VPS50: variants seen among roughly 807,000 people sequenced by gnomAD.
VPS50 encodes VPS50 subunit of EARP/GARPII complex.
Under a neutral mutation model 139.7 loss-of-function variants are expected in VPS50, and 70 were observed. That is an observed-to-expected ratio of 0.50 (90% confidence interval 0.41 to 0.61). VPS50 has a LOEUF of 0.61. Ranked by LOEUF, VPS50 falls within the 20% of genes least tolerant of loss-of-function variation. The pLI is 0.00. For missense variants in VPS50, 921 were observed against 1,133.7 expected (o/e 0.81, Z 2.69); for synonymous variants, 365 against 376.7 (o/e 0.97, Z 0.36).
intron 18 of VPS50, 35 bp downstream of exon 18, chr7:93,306,039 T>G: frequency 6.6e-7 from 1 of 1,516,134 alleles, no homozygotes; most frequent in Non-Finnish European, 9.1e-7. Flanking sequence ...GTGAGTTTTT[T>G]TTATTTAAAA....
chr7:93,264,447 A>G (rs1019370280), intron 9 of VPS50, among the ~76,000 whole-genome samples: 3 of 152,192 alleles, frequency 2.0e-5, no homozygotes, highest in African/African-American at 4.8e-5. Context: ...TTAAAAGTCA[A>G]AACTGCTTTA....
rs1798777489 is a variant in VPS50, at chr7:93,358,821, A to G, written c.*385A>G. The G allele has an allele frequency of 6.2e-6, 1 of 161,658 alleles. No homozygotes were observed. The highest frequency in any genetic ancestry group is 6.0e-5 in the Admixed American group (1 of 16,722). The allele number at this position is 161,658 out of a possible 1,614,324, so 10.0% of individuals were successfully genotyped here. A position where few individuals can be genotyped will look rare whatever the true frequency, so the allele number is the denominator to read the frequency against. On this transcript the variant is annotated 3_prime_UTR_variant, in exon 28 of 28. Coordinates refer to ENST00000305866, the MANE Select transcript of VPS50 (RefSeq NM_017667.4). The stretch of plus-strand genomic sequence containing the variant: ...TTCTACCCTCTGAGCTTGGTTCTTA[A>G]TAAGCATAATGTGAGGGTGAATATG...
intron 23 of VPS50, among the ~76,000 whole-genome samples, chr7:93,344,163 A>T (rs1798314214): frequency 6.6e-6 from 1 of 152,202 alleles, no homozygotes. Context: ...AAACAAAAAA[A>T]GGCAGGGGTT....
chr7:93,302,747 A>C (rs1285185613), intron 16 of VPS50, among the ~76,000 whole-genome samples: 1 of 152,052 alleles, frequency 6.6e-6, no homozygotes, highest in African/African-American at 2.4e-5. Flanking sequence ...AACTTGTGGT[A>C]GAAAGAGGAA....
At chr7:93,303,933 A>G (rs912496979) in intron 17 of VPS50, among the ~76,000 whole-genome samples, 4 of 151,882 alleles carry the variant, frequency 2.6e-5, no homozygotes, top group African/African-American at 9.7e-5. Flanking sequence ...TATTTGTAGA[A>G]TATTTTTCAT....
At chr7:93,246,799 G>A (rs1246881375) in intron 2 of VPS50, among the ~76,000 whole-genome samples, 1 of 151,660 alleles carries the variant, frequency 6.6e-6, no homozygotes, top group Admixed American at 6.6e-5. Flanking sequence ...CTTGAGTGAT[G>A]AACTCTTAAG....
At chr7:93,333,505 A>G (rs944755173) in intron 21 of VPS50, among the ~76,000 whole-genome samples, 20 of 152,166 alleles carry the variant, frequency 1.3e-4, no homozygotes, top group African/African-American at 4.8e-4. Context: ...CATCAATGGA[A>G]TCATCACACA....
At chr7:93,236,937 CTTTTT>C (rs71107889) in intron 1 of VPS50, among the ~76,000 whole-genome samples, 7 of 31,030 alleles carry the variant, frequency 2.3e-4, no homozygotes, top group African/African-American at 9.9e-4. Context: ...TCTTTTACTT[CTTTTT>C]TTTTTTTTTT....
chr7:93,265,746 T>C (rs1480056139), intron 9 of VPS50, among the ~76,000 whole-genome samples: 2 of 152,094 alleles, frequency 1.3e-5, no homozygotes, highest in Non-Finnish European at 2.9e-5. Flanking sequence ...TAAATATTTT[T>C]AGTAGAGATG....
Position 93,271,261 on chromosome 7 carries a change from A to C in VPS50, c.701A>C (p.Glu234Ala). Reference sequence around the variant, plus strand: ...CTGCAAGATACTTTGGAACAGATTGAGGTAAGAAGTATTATATCCTAACCT... The same window carrying C: ...CTGCAAGATACTTTGGAACAGATTGCGGTAAGAAGTATTATATCCTAACCT... ...SKLQDTLEQIEEQLDVALSKI... is the reference protein window; with the variant it reads ...SKLQDTLEQIAEQLDVALSKI... Residue 234 changes from glutamate to alanine, a missense_variant and splice_region_variant, in exon 10 of 28, where the codon GAG (glutamate) becomes GCG (alanine). Transcript: ENST00000305866. The C allele has an allele frequency of 6.4e-7, 1 of 1,558,726 alleles. No individual in the cohort carries two copies. The highest frequency in any genetic ancestry group is 8.6e-7 in the Non-Finnish European group (1 of 1,159,760).
At chr7:93,280,871 A>G (rs1796305268) in intron 12 of VPS50, among the ~76,000 whole-genome samples, 1 of 152,122 alleles carries the variant, frequency 6.6e-6, no homozygotes, top group Non-Finnish European at 1.5e-5. Flanking sequence ...GTAAAAATAT[A>G]TGCTATGTAA....
chr7:93,244,689 A>G (rs1795098191), intron 2 of VPS50, among the ~76,000 whole-genome samples: 1 of 151,894 alleles, frequency 6.6e-6, no homozygotes, highest in South Asian at 2.1e-4. Context: ...GAGGATTAGT[A>G]TTGAGGTTTA....
At chr7:93,282,356 T>A (rs893916101) in intron 12 of VPS50, among the ~76,000 whole-genome samples, 1 of 152,242 alleles carries the variant, frequency 6.6e-6, no homozygotes, top group Non-Finnish European at 1.5e-5. Context: ...CCAGCTTTTG[T>A]CATTATGAAC....
chr7:93,358,174 C>T, intron 27 of VPS50, 143 bp from the exon 28 acceptor site: 1 of 714,848 alleles, frequency 1.4e-6, no homozygotes, highest in Non-Finnish European at 2.4e-6. Flanking sequence ...TTCCATGTCC[C>T]AACTGTAATT....
chr7:93,253,110 T>C (rs1276889243), intron 3 of VPS50, among the ~76,000 whole-genome samples: 3 of 152,236 alleles, frequency 2.0e-5, no homozygotes, highest in Non-Finnish European at 4.4e-5. Flanking sequence ...TGTATTTACA[T>C]AATTGTTTAG....
In VPS50 at chr7:93,360,268, A is replaced by G. The variant is rs1310628593; in HGVS notation, c.*1832A>G. ...GTAGAGCCCAGTGTTTTCCAAGGTA[A>G]TAGGAATTGATACAAAAGAATTACT... On this transcript the variant is annotated 3_prime_UTR_variant, in exon 28 of 28. Transcript: ENST00000305866. 1 of 152,106 alleles carries G rather than the reference A, an allele frequency of 6.6e-6. No individual in the cohort carries two copies. The highest frequency in any genetic ancestry group is 2.4e-5 in the African/African-American group (1 of 41,424). The allele number at this position is 152,106 out of a possible 1,614,324, so 9.4% of individuals were successfully genotyped here. A position where few individuals can be genotyped will look rare whatever the true frequency, so the allele number is the denominator to read the frequency against.
intron 1 of VPS50, among the ~76,000 whole-genome samples, chr7:93,234,122 T>G (rs1249061798): frequency 1.3e-5 from 2 of 152,248 alleles, no homozygotes; most frequent in Non-Finnish European, 2.9e-5. Context: ...AATGCTGAAT[T>G]TGGACTTTTG....
intron 2 of VPS50, among the ~76,000 whole-genome samples, chr7:93,245,659 A>G (rs965641877): frequency 1.3e-5 from 2 of 151,904 alleles, no homozygotes; most frequent in African/African-American, 2.4e-5. Context: ...AAAATGTTCT[A>G]TAAATCATTT....
At chr7:93,234,895 C>A (rs974728630) in intron 1 of VPS50, among the ~76,000 whole-genome samples, 1 of 150,766 alleles carries the variant, frequency 6.6e-6, no homozygotes, top group African/African-American at 2.4e-5. Flanking sequence ...TCAGTCCATT[C>A]AACAAATGTT....
Sources: gnomAD v4.1 joint callset for allele counts (sites outside exome capture counted in the v4.1 genomes callset) on GRCh38, gnomAD v4.1.1 for gene constraint, MANE v1.5 for transcripts, NCBI Gene and HGNC (gene_info 2026-07-23, HGNC 2026-07-21) for gene names.